Variants in GRAMD1C observed in about 807,000 individuals in gnomAD.
The protein encoded by GRAMD1C is GRAM domain containing 1C, also known as protein Aster-C.
A neutral mutation model predicts 97.8 loss-of-function variants in GRAMD1C; 89 were observed. That is an observed-to-expected ratio of 0.91 (90% CI 0.77 to 1.09). The LOEUF (loss-of-function observed/expected upper bound fraction) is 1.09, where lower values mean the gene tolerates loss of function less well. Among genes scored for constraint, GRAMD1C ranks in the 50% least tolerant of loss-of-function variants. The pLI, the probability that GRAMD1C is intolerant of heterozygous loss-of-function variation, is 0.00. For synonymous variants in GRAMD1C, 256 were observed against 267.0 expected, an observed-to-expected ratio of 0.96 and a Z score of 0.40; for missense variants, 740 against 766.4, an observed-to-expected ratio of 0.97 and a Z score of 0.41.
intron 11 of GRAMD1C, among the ~76,000 whole-genome samples, chr3:113,931,045 T>C (rs888534086): frequency 2.6e-5 from 4 of 152,222 alleles, no homozygotes; most frequent in Non-Finnish European, 4.4e-5. Context: ...AAGGTATTTA[T>C]GAGATTTCAG....
intron 11 of GRAMD1C, among the ~76,000 whole-genome samples, chr3:113,932,484 G>A (rs1484346792): frequency 6.6e-6 from 1 of 152,090 alleles, no homozygotes; most frequent in East Asian, 1.9e-4. Context: ...TACCCTTCTT[G>A]ACTTTTTTGG....
chr3:113,931,257 C>T (rs1322027178), intron 11 of GRAMD1C, among the ~76,000 whole-genome samples: 1 of 152,012 alleles, frequency 6.6e-6, no homozygotes, highest in Non-Finnish European at 1.5e-5. Context: ...TAATATGGGA[C>T]AGAGGACAAA....
At chr3:113,845,632 G>T (rs1266887646) in intron 2 of GRAMD1C, among the ~76,000 whole-genome samples, 1 of 152,118 alleles carries the variant, frequency 6.6e-6, no homozygotes, top group Non-Finnish European at 1.5e-5. Flanking sequence ...CTGAGCCTGG[G>T]AAGTTGAGGC....
In GRAMD1C at chr3:113,857,728, C is replaced by A. The variant is rs116733312; in HGVS notation, c.175-11779C>A. On this transcript the variant is annotated intron_variant, in intron 2 of 17. Transcript: ENST00000358160. The stretch of plus-strand genomic sequence containing the variant: ...ATCACAAATGGATGTTGAATTTTGT[C>A]AAATATTATTCCTATATCAAGTGAT... 9.4e-3 allele frequency among the ~76,000 whole-genome samples: 1,433 copies of A among 152,098 alleles called. 13 individuals carry two copies. The highest frequency in any genetic ancestry group is 0.033 in the African/African-American group (1,377 of 41,486).
chr3:113,936,462 C>T lies in GRAMD1C; in HGVS notation c.1633+20C>T, dbSNP rs751260274. 6.5e-5 allele frequency: 99 copies of T among 1,520,368 alleles called. No homozygotes were observed. The highest frequency in any genetic ancestry group is 8.4e-5 in the Non-Finnish European group (93 of 1,110,722). The allele number at this position is 1,520,368 out of a possible 1,614,324, so 94.2% of individuals were successfully genotyped here. On this transcript the variant is annotated intron_variant, in intron 14 of 17. Transcript: ENST00000358160. The stretch of plus-strand genomic sequence containing the variant: ...TTACAGGTAGTTGTCACCTGGTAAA[C>T]AGAGATGAAAGATTTTTACTTTAGT...
At chr3:113,875,980 C>A (rs1307047466) in intron 4 of GRAMD1C, 185 bp from the exon 5 acceptor site, 6 of 498,972 alleles carry the variant, frequency 1.2e-5, no homozygotes, top group Non-Finnish European at 2.1e-5. Flanking sequence ...TACTGCAGGG[C>A]AAACTGCTTA....
chr3:113,918,190 T>G (rs1936908542), intron 10 of GRAMD1C, among the ~76,000 whole-genome samples: 1 of 152,214 alleles, frequency 6.6e-6, no homozygotes, highest in Non-Finnish European at 1.5e-5. Flanking sequence ...TTTGAAAATG[T>G]GGGATGCCTG....
chr3:113,830,834 C>G (rs1001813879), intron 1 of GRAMD1C, among the ~76,000 whole-genome samples: 12 of 152,214 alleles, frequency 7.9e-5, no homozygotes, highest in Non-Finnish European at 1.5e-4. Flanking sequence ...CATGGTGACT[C>G]ATGCCCGTAA....
Position 113,901,121 on chromosome 3 carries a change from C to G in GRAMD1C, c.631C>G (p.Leu211Val), listed in dbSNP as rs536432613. ...LNAEEMENLS[L>V]SIEDVQPRSP... The stretch of plus-strand genomic sequence containing the variant: ...TGCTGAGGAGATGGAAAACTTGTCA[C>G]TGTCGATTGAGGATGTGCAGCCAAG... The change falls in exon 7 of 18, where the codon CTG becomes GTG. Residue 211 changes from leucine (L) to valine (V), a missense_variant. By Grantham distance (32) the Leu-to-Val change is conservative (BLOSUM62 1). Coordinates refer to ENST00000358160, the MANE Select transcript of GRAMD1C (RefSeq NM_017577.5). The G allele has an allele frequency of 5.6e-6, 9 of 1,597,994 alleles. No homozygotes were observed. Among genetic ancestry groups the G allele is most frequent in the Admixed American group, 1.7e-5 (1 of 59,938 alleles).
intron 11 of GRAMD1C, among the ~76,000 whole-genome samples, chr3:113,932,423 C>T (rs1353262764): frequency 1.3e-5 from 2 of 152,094 alleles, no homozygotes; most frequent in African/African-American, 2.4e-5. Flanking sequence ...AAGGTTTGGC[C>T]AATGACCATT....
chr3:113,879,042 T>C (rs1008316539), intron 5 of GRAMD1C, among the ~76,000 whole-genome samples: 1 of 151,928 alleles, frequency 6.6e-6, no homozygotes, highest in African/African-American at 2.4e-5. Flanking sequence ...CCGTCTCTAC[T>C]AAAAATACAA....
chr3:113,906,764 C>T (rs1936387942), intron 8 of GRAMD1C, among the ~76,000 whole-genome samples: 1 of 152,286 alleles, frequency 6.6e-6, no homozygotes, highest in Admixed American at 6.5e-5. Context: ...CTCACTGACT[C>T]ACCCAGAACA....
At chr3:113,857,398 C>T (rs6788506) in intron 2 of GRAMD1C, among the ~76,000 whole-genome samples, 4,040 of 142,800 alleles carry the variant, frequency 0.028, 207 homozygotes, top group African/African-American at 0.099. Flanking sequence ...TTTTTTGAGA[C>T]GGAGTCTTGC....
chr3:113,875,784 C>T (rs1258044817), intron 4 of GRAMD1C, 197 bp downstream of exon 4: 2 of 423,352 alleles, frequency 4.7e-6, no homozygotes, highest in Non-Finnish European at 8.3e-6. Flanking sequence ...CATTGAGCTC[C>T]AGTATAGTTA....
chr3:113,835,642 G>T (rs1709620649), upstream of GRAMD1C, among the ~76,000 whole-genome samples: 1 of 152,232 alleles, frequency 6.6e-6, no homozygotes, highest in Non-Finnish European at 1.5e-5. Context: ...TATCTAGAAG[G>T]TAGGTGGAAT....
intron 9 of GRAMD1C, chr3:113,913,195 C>A: frequency 1.5e-6 from 1 of 679,868 alleles, no homozygotes; most frequent in Non-Finnish European, 2.3e-6. Context: ...TTTGTTTTCT[C>A]TTTCTCACCT....
chr3:113,838,277 A>G (rs1709671241), upstream of GRAMD1C: 1 of 152,344 alleles, frequency 6.6e-6, no homozygotes, highest in African/African-American at 2.4e-5. Context: ...ATTGGAAGGA[A>G]CAAGAGTTTC....
chr3:113,917,890 C>G lies in GRAMD1C; in HGVS notation c.1090+2052C>G, dbSNP rs373892074. ...TTTTTTTTTTTTTTTTTGGTAGAGA[C>G]AGGGTCTTGCTATGTTGCTCCAGGC... On this transcript the variant is annotated intron_variant, in intron 10 of 17. Coordinates refer to ENST00000358160, the MANE Select transcript of GRAMD1C (RefSeq NM_017577.5). Among the ~76,000 whole-genome samples the G allele has an allele frequency of 2.6e-3, 277 of 107,214 alleles. 1 individual carries two copies. Among genetic ancestry groups the G allele is most frequent in the African/African-American group, 9.7e-3 (266 of 27,532 alleles). The allele number at this position is 107,214 out of a possible 152,430, so 70.3% of individuals were successfully genotyped here.
At chr3:113,834,746 C>G (rs928177868), upstream of GRAMD1C, among the ~76,000 whole-genome samples, 2 of 147,212 alleles carry the variant, frequency 1.4e-5, no homozygotes, top group Admixed American at 6.8e-5. Flanking sequence ...CGAGCCTGAT[C>G]AGCATGGTGA....
Sources: gnomAD v4.1 joint callset for allele counts (sites outside exome capture counted in the v4.1 genomes callset) on GRCh38, gnomAD v4.1.1 for gene constraint, MANE v1.5 for transcripts, NCBI Gene and HGNC (gene_info 2026-07-23, HGNC 2026-07-21) for gene names.